Variants in ACBD5 observed in about 807,000 individuals in gnomAD.
ACBD5 encodes acyl-CoA-binding domain-containing protein 5.
In ACBD5, 40 loss-of-function variants were observed where a neutral mutation model predicts 71.8. The ratio of observed to expected loss-of-function variants is 0.56; its 90% CI spans 0.43 to 0.72. The LOEUF is 0.72. Among genes scored for constraint, ACBD5 ranks in the 30% least tolerant of loss-of-function variants. The pLI is 0.00. For synonymous variants in ACBD5, 229 were observed against 218.6 expected (o/e 1.05, Z -0.42); for missense variants, 559 against 644.5 (o/e 0.87, Z 1.44).
In ACBD5 at chr10:27,215,793, G is replaced by A. The variant is rs1052133724; in HGVS notation, c.830-152C>T. ...CGGCTCACTGCAACTTCTACCTCTCGGGTTCAAGTGATTCTCCTGCCTCAG... is the reference window on the plus strand; with the variant it reads ...CGGCTCACTGCAACTTCTACCTCTCAGGTTCAAGTGATTCTCCTGCCTCAG... On this transcript the variant is annotated intron_variant, in intron 7 of 12. Coordinates refer to ENST00000396271, the MANE Select transcript of ACBD5 (RefSeq NM_145698.5). 58 of 607,632 alleles carry A rather than the reference G, an allele frequency of 9.5e-5. No homozygotes were observed. The Admixed American group carries it at 1.0e-3, about 11-fold the overall frequency. 37.6% of individuals were successfully genotyped at this position (607,632 alleles called of 1,614,324 possible). A position where few individuals can be genotyped will look rare whatever the true frequency, so the allele number is the denominator to read the frequency against.
chr10:27,219,911 T>C, intron 5 of ACBD5, 54 bp from the exon 6 acceptor site: 1 of 1,552,738 alleles, frequency 6.4e-7, no homozygotes, highest in Non-Finnish European at 8.8e-7. Flanking sequence ...AATAATGTCA[T>C]AATTTCCAAG....
In ACBD5 at chr10:27,203,510, G is replaced by A. The variant is rs7097112; in HGVS notation, c.1565+930C>T. Among the ~76,000 whole-genome samples, 484 of 152,230 alleles carry A rather than the reference G, an allele frequency of 3.2e-3. 2 individuals are homozygous for A. Among genetic ancestry groups the A allele is most frequent in the African/African-American group, 0.011 (458 of 41,538 alleles). On this transcript the variant is annotated intron_variant, in intron 12 of 12. Coordinates refer to ENST00000396271, the MANE Select transcript of ACBD5 (RefSeq NM_145698.5). ...TCCCAGCTCTTTGGGAGGCCAAGGC[G>A]GGCAAATCACCTGAGGTCAGGAGTT... is the stretch of plus-strand genomic sequence containing the variant.
intron 4 of ACBD5, among the ~76,000 whole-genome samples, chr10:27,229,856 T>A (rs1390122162): frequency 2.0e-5 from 3 of 152,162 alleles, no homozygotes; most frequent in Non-Finnish European, 2.9e-5. Flanking sequence ...TTTTAAAGTG[T>A]GAATGAAAAG....
intron 12 of ACBD5, among the ~76,000 whole-genome samples, chr10:27,200,742 A>G (rs2136624507): frequency 6.6e-6 from 1 of 152,282 alleles, no homozygotes; most frequent in South Asian, 2.1e-4. Context: ...TACAGGCGTG[A>G]GCCACCGCGT....
intron 12 of ACBD5, among the ~76,000 whole-genome samples, chr10:27,204,138 CAAAAAAAAAAAA>C (rs11346187): frequency 4.4e-5 from 2 of 45,718 alleles, no homozygotes; most frequent in East Asian, 8.1e-4. Flanking sequence ...GACCCAGTCT[CAAAAAAAAAAAA>C]AAAAAAAAAA....
intron 3 of ACBD5, among the ~76,000 whole-genome samples, 174 bp from the exon 4 acceptor site, chr10:27,231,994 G>C (rs1458878023): frequency 1.3e-5 from 2 of 152,110 alleles, no homozygotes; most frequent in Non-Finnish European, 2.9e-5. Flanking sequence ...AAATAAACTA[G>C]CAAATTAAAT....
intron 8 of ACBD5, among the ~76,000 whole-genome samples, chr10:27,212,006 G>T (rs1413469012): frequency 5.3e-5 from 8 of 152,086 alleles, no homozygotes; most frequent in Non-Finnish European, 1.2e-4. Flanking sequence ...ACAGAGAGAA[G>T]GCCAGGGTGG....
chr10:27,210,941 C>A lies in ACBD5; in HGVS notation c.1077G>T (p.Val359=). The A allele has an allele frequency of 6.2e-7, 1 of 1,614,174 alleles. No individual in the cohort carries two copies. The highest frequency in any genetic ancestry group is 8.5e-7 in the Non-Finnish European group (1 of 1,180,044). The change falls in exon 9 of 13, where the codon GTG becomes GTT. Residue 359 remains valine, a synonymous_variant. Coordinates refer to ENST00000396271, the MANE Select transcript of ACBD5 (RefSeq NM_145698.5). ...CTTCACCTTTTCCTTCAACTGCAAC[C>A]ACCTGCATATTCCCAATGTTGCCAT... ...PGNGNIGNMQ[V]VAVEGKGEVK... is the part of the protein sequence containing the mutation.
chr10:27,188,530 T>G (rs192609482), intron 13 of ACBD5, among the ~76,000 whole-genome samples: 12 of 152,330 alleles, frequency 7.9e-5, no homozygotes, highest in African/African-American at 2.4e-4. Context: ...CTACCCAGGA[T>G]ATTAACCTTA....
At chr10:27,194,478 G>A (rs1311626618), downstream of ACBD5, among the ~76,000 whole-genome samples, 1 of 151,368 alleles carries the variant, frequency 6.6e-6, no homozygotes, top group South Asian at 2.1e-4. Flanking sequence ...CAGGTGTGGT[G>A]GTGGGTGCCT....
At chr10:27,200,541 T>C (rs1489340577) in intron 12 of ACBD5, among the ~76,000 whole-genome samples, 1 of 151,568 alleles carries the variant, frequency 6.6e-6, no homozygotes, top group African/African-American at 2.4e-5. Context: ...GCCTCCTGGG[T>C]TCAAGCAATT....
At chr10:27,231,022 A>G (rs17531324) in intron 4 of ACBD5, among the ~76,000 whole-genome samples, 117,135 of 151,246 alleles carry the variant, frequency 0.77, 45,598 homozygotes, top group African/African-American at 0.86. Flanking sequence ...GTCCAGGGAA[A>G]AGAATACCTA....
chr10:27,235,496 C>T (rs574797000), intron 2 of ACBD5, among the ~76,000 whole-genome samples: 70 of 152,244 alleles, frequency 4.6e-4, no homozygotes, highest in African/African-American at 1.7e-3. Flanking sequence ...AAATAACCTG[C>T]AAATGTCTCT....
At position 27,218,050 on chromosome 10, in the gene ACBD5, G is replaced by A; in HGVS notation, c.759C>T (p.Ser253=). The change falls in exon 7 of 13, where the codon AGC becomes AGT. Residue 253 remains serine (S), a synonymous_variant. Coordinates refer to ENST00000396271, the MANE Select transcript of ACBD5 (RefSeq NM_145698.5). ...CATCAATGGGCTTTACTTCTTCAGTGCTTCTGCCATTCAGGGAAGAACTGG... is the reference window on the plus strand; with the variant it reads ...CATCAATGGGCTTTACTTCTTCAGTACTTCTGCCATTCAGGGAAGAACTGG... ...IHASSSLNGR[S]TEEVKPIDEN... 6.2e-7 allele frequency: 1 copy of A among 1,614,106 alleles called. No individual in the cohort carries two copies. The highest frequency in any genetic ancestry group is 8.5e-7 in the Non-Finnish European group (1 of 1,180,018).
intron 4 of ACBD5, among the ~76,000 whole-genome samples, chr10:27,224,716 T>C (rs1421237784): frequency 6.6e-6 from 1 of 152,210 alleles, no homozygotes; most frequent in African/African-American, 2.4e-5. Flanking sequence ...GCTCTGTGTG[T>C]GCCAATCACA....
At chr10:27,206,702 G>A (rs2060499295) in intron 10 of ACBD5, among the ~76,000 whole-genome samples, 1 of 151,934 alleles carries the variant, frequency 6.6e-6, no homozygotes, top group Non-Finnish European at 1.5e-5. Flanking sequence ...TTTTAGTAGA[G>A]ATGGGGTTTC....
chr10:27,200,606 G>C (rs1160800225), intron 12 of ACBD5, among the ~76,000 whole-genome samples: 2 of 151,728 alleles, frequency 1.3e-5, no homozygotes, highest in African/African-American at 4.8e-5. Flanking sequence ...CGAGTAGCTG[G>C]GATTACCACA....
chr10:27,225,628 G>A (rs935689498), intron 4 of ACBD5, among the ~76,000 whole-genome samples: 1 of 152,278 alleles, frequency 6.6e-6, no homozygotes, highest in African/African-American at 2.4e-5. Context: ...GTGGAGGAAT[G>A]TTTTATTATT....
intron 8 of ACBD5, among the ~76,000 whole-genome samples, chr10:27,211,970 A>G (rs57704178): frequency 0.067 from 10,131 of 151,322 alleles, 639 homozygotes; most frequent in African/African-American, 0.16. Context: ...GGGTGGGGGT[A>G]GGAAGGGACT....
Sources: allele counts gnomAD v4.1 joint callset (sites outside exome capture counted in the v4.1 genomes callset), GRCh38; gene constraint gnomAD v4.1.1; transcripts MANE v1.5; gene names NCBI Gene and HGNC (gene_info 2026-07-23, HGNC 2026-07-21).